TNKS: variants seen among roughly 807,000 people sequenced by gnomAD.
TNKS encodes the protein poly [ADP-ribose] polymerase tankyrase-1.
TNKS carries 72 observed loss-of-function variants against 135.8 expected under a neutral mutation model. That is an observed-to-expected ratio of 0.53 (90% confidence interval 0.44 to 0.64). TNKS has a LOEUF of 0.64. TNKS is among the 30% of genes least tolerant of loss of function. The probability of loss-of-function intolerance (pLI) is 0.00; values close to 1 mark genes in which losing one functional copy is unlikely to be tolerated. For missense variants in TNKS, 1,769 were observed against 1,674.0 expected (o/e 1.06, Z -0.99); for synonymous variants, 849 against 649.3 (o/e 1.31, Z -4.68).
intron 20 of TNKS, 109 bp downstream of exon 20, chr8:9,752,735 G>A: frequency 2.9e-6 from 2 of 687,664 alleles, no homozygotes; most frequent in Non-Finnish European, 2.3e-6. Flanking sequence ...CGGCAGGATT[G>A]CTTGAGCCCA....
At chr8:9,668,076 G>C (rs1223093092) in intron 3 of TNKS, among the ~76,000 whole-genome samples, 1 of 152,180 alleles carries the variant, frequency 6.6e-6, no homozygotes, top group African/African-American at 2.4e-5. Flanking sequence ...GCAGGGCCCA[G>C]CTGTTGCTGA....
chr8:9,602,620 GA>G (rs1298230246), intron 2 of TNKS, among the ~76,000 whole-genome samples: 1 of 152,200 alleles, frequency 6.6e-6, no homozygotes, highest in African/African-American at 2.4e-5. Context: ...GCCCAGCAAA[GA>G]ATTAGCTGGT....
In TNKS at chr8:9,706,219, A is replaced by G. The variant is rs1196457916; in HGVS notation, c.1235A>G (p.Tyr412Cys). 1 of 1,579,894 alleles carries G rather than the reference A, an allele frequency of 6.3e-7. No individual in the cohort carries two copies. The highest frequency in any genetic ancestry group is 1.8e-5 in the Admixed American group (1 of 54,940). The change falls in exon 7 of 27, where the codon TAT becomes TGT. Residue 412 changes from tyrosine to cysteine, a missense_variant. Transcript: ENST00000310430. Reference protein sequence around the residue: ...GLVPLHNACSYGHYEVTELLL... With the variant: ...GLVPLHNACSCGHYEVTELLL... ...GTGCCTCTTCATAATGCATGTTCAT[A>G]TGGACATTATGAAGTCACAGAACTG...
chr8:9,713,175 C>A (rs1379970031), intron 11 of TNKS, among the ~76,000 whole-genome samples: 2 of 152,096 alleles, frequency 1.3e-5, no homozygotes, highest in African/African-American at 4.8e-5. Context: ...AGATGTATTA[C>A]CTATTTTGTA....
chr8:9,749,300 A>G (rs1806395033), intron 18 of TNKS, among the ~76,000 whole-genome samples: 1 of 152,126 alleles, frequency 6.6e-6, no homozygotes, highest in African/African-American at 2.4e-5. Context: ...CCCCCCACCA[A>G]CAGGGGGCAG....
chr8:9,610,987 G>C (rs1799439986), intron 2 of TNKS, among the ~76,000 whole-genome samples: 1 of 152,208 alleles, frequency 6.6e-6, no homozygotes, highest in Non-Finnish European at 1.5e-5. Context: ...AAACAACATA[G>C]CTAAAGTAAT....
intron 3 of TNKS, among the ~76,000 whole-genome samples, chr8:9,673,036 AT>A (rs1363597648): frequency 2.6e-5 from 4 of 152,192 alleles, no homozygotes; most frequent in African/African-American, 9.7e-5. Context: ...TTAATATCCA[AT>A]TTAAAGAATG....
At chr8:9,763,913 T>C (rs1355651803) in intron 22 of TNKS, among the ~76,000 whole-genome samples, 1 of 152,192 alleles carries the variant, frequency 6.6e-6, no homozygotes, top group Admixed American at 6.5e-5. Flanking sequence ...TAATTAGTGC[T>C]CATTTTATTT....
Position 9,778,447 on chromosome 8 carries a change from T to G in TNKS, c.*1711T>G, listed in dbSNP as rs941446394. The stretch of plus-strand genomic sequence containing the variant: ...GAAATAGACTCTTAAAATATATACA[T>G]TTTGCTTTGATTTTGGCTTCAACCC... On this transcript the variant is annotated 3_prime_UTR_variant, in exon 27 of 27. Coordinates refer to ENST00000310430, the MANE Select transcript of TNKS (RefSeq NM_003747.3). 2.6e-5 allele frequency: 4 copies of G among 152,722 alleles called. No homozygotes were observed. The highest frequency in any genetic ancestry group is 2.1e-4 in the South Asian group (1 of 4,824). The allele number at this position is 152,722 out of a possible 1,614,324, so 9.5% of individuals were successfully genotyped here. A position where few individuals can be genotyped will look rare whatever the true frequency, so the allele number is the denominator to read the frequency against.
chr8:9,727,232 G>GTAGC, intron 13 of TNKS, among the ~76,000 whole-genome samples: 1 of 152,190 alleles, frequency 6.6e-6, no homozygotes, highest in East Asian at 1.9e-4. Flanking sequence ...TTTTCCCTGT[G>GTAGC]TAGCTCTACT....
chr8:9,580,171 A>G lies in TNKS; in HGVS notation c.686A>G (p.Lys229Arg). ...CGTTTCTTTTTAGGTTTTGGAAGGA[A>G]GGATGTTGTAGAACACTTACTACAG... is the stretch of plus-strand genomic sequence containing the variant. ...PLHFAAGFGR[K>R]DVVEHLLQMG... The change falls in exon 2 of 27, where the codon AAG becomes AGG. Residue 229 changes from lysine (K) to arginine (R), a missense_variant. Physicochemically the swap from Lys to Arg is conservative, Grantham distance 26. Coordinates refer to ENST00000310430, the MANE Select transcript of TNKS (RefSeq NM_003747.3). 1 of 1,614,140 alleles carries G rather than the reference A, an allele frequency of 6.2e-7. No individual in the cohort carries two copies. Among genetic ancestry groups the G allele is most frequent in the Non-Finnish European group, 8.5e-7 (1 of 1,179,990 alleles).
chr8:9,649,290 G>A (rs1319455999), intron 3 of TNKS, among the ~76,000 whole-genome samples: 3 of 152,122 alleles, frequency 2.0e-5, no homozygotes, highest in Non-Finnish European at 2.9e-5. Context: ...TTTGTGCTAA[G>A]CAAATAACTT....
intron 3 of TNKS, among the ~76,000 whole-genome samples, chr8:9,669,157 G>A (rs1344175676): frequency 6.6e-6 from 1 of 152,014 alleles, no homozygotes; most frequent in African/African-American, 2.4e-5. Flanking sequence ...GGTGGCTCAC[G>A]CCTGTAATCC....
At chr8:9,575,235 C>T (rs193253851) in intron 1 of TNKS, 8 of 482,280 alleles carry the variant, frequency 1.7e-5, no homozygotes, top group African/African-American at 4.2e-5. Context: ...TACAGGCGCC[C>T]GCCACCACGC....
At chr8:9,730,826 G>A in intron 13 of TNKS, 64 bp from the exon 14 acceptor site, 1 of 1,551,310 alleles carries the variant, frequency 6.4e-7, no homozygotes, top group Non-Finnish European at 8.7e-7. Context: ...CTATTTTGGG[G>A]CAAAACCTGT....
intron 2 of TNKS, among the ~76,000 whole-genome samples, chr8:9,589,804 C>G (rs1172283343): frequency 6.6e-6 from 1 of 152,374 alleles, no homozygotes; most frequent in Non-Finnish European, 1.5e-5. Flanking sequence ...TGTTAATATT[C>G]TTTGAACCAT....
chr8:9,697,147 CA>C (rs1803555450), intron 5 of TNKS, among the ~76,000 whole-genome samples: 1 of 152,156 alleles, frequency 6.6e-6, no homozygotes. Flanking sequence ...AATTAAGCCA[CA>C]TACCTATAAT....
intron 11 of TNKS, among the ~76,000 whole-genome samples, chr8:9,712,712 A>C (rs1050716128): frequency 6.6e-6 from 1 of 151,824 alleles, no homozygotes; most frequent in South Asian, 2.1e-4. Context: ...AACACAGGCC[A>C]ACCCCGTCTC....
chr8:9,703,584 A>T (rs1803920477), intron 5 of TNKS, among the ~76,000 whole-genome samples: 1 of 152,212 alleles, frequency 6.6e-6, no homozygotes, highest in Non-Finnish European at 1.5e-5. Flanking sequence ...ATTGCTCAAA[A>T]TATTTTCTAA....
Sources: allele counts gnomAD v4.1 joint callset (sites outside exome capture counted in the v4.1 genomes callset), GRCh38; gene constraint gnomAD v4.1.1; transcripts MANE v1.5; gene names NCBI Gene and HGNC (gene_info 2026-07-23, HGNC 2026-07-21).